PRR16: variants seen among roughly 807,000 people sequenced by gnomAD.
PRR16 encodes proline rich 16.
In PRR16, 6 loss-of-function variants were observed where a neutral mutation model predicts 18.2. The ratio of observed to expected loss-of-function variants is 0.33; its 90% CI spans 0.18 to 0.65. PRR16 has a LOEUF of 0.65. PRR16 is among the 30% of genes least tolerant of loss of function. The probability of loss-of-function intolerance (pLI) is 0.74; values close to 1 mark genes in which losing one functional copy is unlikely to be tolerated. For synonymous variants in PRR16, 151 were observed against 147.8 expected, an observed-to-expected ratio of 1.02 and a Z score of -0.16; for missense variants, 412 against 376.6, an observed-to-expected ratio of 1.09 and a Z score of -0.78.
intron 1 of PRR16, among the ~76,000 whole-genome samples, chr5:120,505,497 C>G (rs1423538080): frequency 1.3e-5 from 2 of 152,108 alleles, no homozygotes; most frequent in Non-Finnish European, 2.9e-5. Context: ...GTAGTTGAAA[C>G]TGAAATTCCA....
At chr5:120,752,496 A>G in the PRR16 span, among the ~76,000 whole-genome samples, 1 of 152,010 alleles carries the variant, frequency 6.6e-6, no homozygotes, top group Non-Finnish European at 1.5e-5. Context: ...TTATCTATGC[A>G]CTGATTAGGC....
chr5:120,728,408 T>G, the PRR16 span, among the ~76,000 whole-genome samples: 2 of 152,060 alleles, frequency 1.3e-5, no homozygotes, highest in Non-Finnish European at 2.9e-5. Context: ...TTTTCTCTGT[T>G]TTCTATTAAG....
intron 1 of PRR16, among the ~76,000 whole-genome samples, chr5:120,664,298 C>CAAAAG (rs1322503079): frequency 8.5e-6 from 1 of 117,604 alleles, no homozygotes; most frequent in Non-Finnish European, 1.8e-5. Flanking sequence ...AACTCTGTCT[C>CAAAAG]AAAAGAAAAC....
At chr5:120,500,984 T>A (rs763733070) in intron 1 of PRR16, among the ~76,000 whole-genome samples, 25 of 152,162 alleles carry the variant, frequency 1.6e-4, no homozygotes, top group Non-Finnish European at 3.1e-4. Flanking sequence ...CAACTCAGAA[T>A]ACTTAAAAAA....
At position 120,529,666 on chromosome 5, in the gene PRR16, A is replaced by AG. The variant is rs1284208991; in HGVS notation, c.159+65024dup. Among the ~76,000 whole-genome samples the AG allele has an allele frequency of 2.0e-5, 3 of 152,190 alleles. 1 individual carries two copies. The highest frequency in any genetic ancestry group is 2.0e-4 in the Admixed American group (3 of 15,264). On this transcript the variant is annotated intron_variant, in intron 1 of 1. Coordinates refer to ENST00000407149, the MANE Select transcript of PRR16 (RefSeq NM_001300783.2). ...AGCTTGATGAGGGGTGAAATAGGAC[A>AG]GGGAAAAAATCCTTAAACATCCACT... is the stretch of plus-strand genomic sequence containing the variant.
intron 1 of PRR16, among the ~76,000 whole-genome samples, chr5:120,537,941 T>C (rs1205323872): frequency 6.6e-6 from 1 of 151,372 alleles, no homozygotes; most frequent in African/African-American, 2.4e-5. Flanking sequence ...TACGCCCGGC[T>C]AATTTTTTGT....
chr5:120,672,540 ATGTGTGTG>A (rs5870916), intron 1 of PRR16, among the ~76,000 whole-genome samples: 3 of 147,308 alleles, frequency 2.0e-5, no homozygotes, highest in South Asian at 2.2e-4. Context: ...ATAGATATAT[ATGTGTGTG>A]TGTGTGTGTG....
At chr5:120,753,506 T>G in the PRR16 span, among the ~76,000 whole-genome samples, 1 of 151,812 alleles carries the variant, frequency 6.6e-6, no homozygotes, top group African/African-American at 2.4e-5. Flanking sequence ...TCTTAGAAAC[T>G]TGATGAGTAA....
chr5:120,580,273 T>A (rs1158395920), intron 1 of PRR16, among the ~76,000 whole-genome samples: 1 of 152,114 alleles, frequency 6.6e-6, no homozygotes, highest in Non-Finnish European at 1.5e-5. Context: ...CTATGTTGAA[T>A]AGGAGTGGTG....
In PRR16 at chr5:120,475,964, A is replaced by G. The variant is rs559658414; in HGVS notation, c.159+11319A>G. 3.3e-5 allele frequency among the ~76,000 whole-genome samples: 5 copies of G among 152,264 alleles called. No individual in the cohort carries two copies. The South Asian group carries it at 1.0e-3, about 32-fold the overall frequency. ...GTACATGATGCAACAAGAGCATAAA[A>G]TCATTGATAAGTCTTGTTGATTCTT... is the stretch of plus-strand genomic sequence containing the variant. On this transcript the variant is annotated intron_variant, in intron 1 of 1. Coordinates refer to ENST00000407149, the MANE Select transcript of PRR16 (RefSeq NM_001300783.2).
chr5:120,572,674 T>A (rs1203392463), intron 1 of PRR16, among the ~76,000 whole-genome samples: 1 of 152,068 alleles, frequency 6.6e-6, no homozygotes, highest in Non-Finnish European at 1.5e-5. Context: ...GGATGAGAGA[T>A]CTACTTACTG....
At chr5:120,555,626 C>T (rs564856720) in intron 1 of PRR16, among the ~76,000 whole-genome samples, 48 of 151,702 alleles carry the variant, frequency 3.2e-4, no homozygotes, top group Non-Finnish European at 5.0e-4. Context: ...TTCATCTAAA[C>T]CTAATTACTT....
the PRR16 span, among the ~76,000 whole-genome samples, chr5:120,714,793 G>A: frequency 4.6e-5 from 7 of 152,046 alleles, no homozygotes; most frequent in Admixed American, 1.3e-4. Context: ...TATACACCAC[G>A]GAATACTATC....
At chr5:120,711,950 C>T in the PRR16 span, among the ~76,000 whole-genome samples, 1 of 152,120 alleles carries the variant, frequency 6.6e-6, no homozygotes, top group African/African-American at 2.4e-5. Flanking sequence ...TTTCCACACC[C>T]AGAAAATTCT....
At chr5:120,509,614 T>C (rs559941429) in intron 1 of PRR16, among the ~76,000 whole-genome samples, 1 of 152,126 alleles carries the variant, frequency 6.6e-6, no homozygotes, top group Admixed American at 6.6e-5. Flanking sequence ...AGGGGTTAAA[T>C]TTGAGAAGAG....
intron 1 of PRR16, among the ~76,000 whole-genome samples, chr5:120,593,447 C>T (rs1214347039): frequency 6.6e-6 from 1 of 151,808 alleles, no homozygotes; most frequent in African/African-American, 2.4e-5. Context: ...CCAAGCTGAA[C>T]CAGGAGGAAA....
In PRR16 at chr5:120,474,283, T is replaced by C. The variant is rs1423265274; in HGVS notation, c.159+9638T>C. Among the ~76,000 whole-genome samples, 6 of 152,232 alleles carry C rather than the reference T, an allele frequency of 3.9e-5. No homozygotes were observed. The South Asian group carries it at 1.0e-3, about 26-fold the overall frequency. ...CACTATTGACATATTGAGTGGATAA[T>C]TCTTTGTTGGGGGGATTGTCCTGTG... On this transcript the variant is annotated intron_variant, in intron 1 of 1. Transcript: ENST00000407149.
the PRR16 span, among the ~76,000 whole-genome samples, chr5:120,731,340 A>G: frequency 6.6e-6 from 1 of 152,224 alleles, no homozygotes; most frequent in African/African-American, 2.4e-5. Context: ...AGCCTTGCAT[A>G]TAATGATTGG....
the PRR16 span, among the ~76,000 whole-genome samples, chr5:120,778,143 A>G: frequency 6.6e-6 from 1 of 152,138 alleles, no homozygotes; most frequent in African/African-American, 2.4e-5. Flanking sequence ...AAGACTGCTG[A>G]TCATTCAGTT....
Sources: allele counts gnomAD v4.1 joint callset (sites outside exome capture counted in the v4.1 genomes callset), GRCh38; gene constraint gnomAD v4.1.1; transcripts MANE v1.5; gene names NCBI Gene and HGNC (gene_info 2026-07-23, HGNC 2026-07-21).